The following ZDHHC7 variants were observed in gnomAD, a reference collection of about 807,000 sequenced individuals.
The protein encoded by ZDHHC7 is zDHHC palmitoyltransferase 7.
Under a neutral mutation model 34.1 loss-of-function variants are expected in ZDHHC7, and 12 were observed. The observed-to-expected ratio is 0.35, with a 90% CI of 0.23 to 0.57. ZDHHC7 has a LOEUF of 0.57. Among genes scored for constraint, ZDHHC7 ranks in the 20% least tolerant of loss-of-function variants. The pLI is 0.84. For synonymous variants in ZDHHC7, 185 were observed against 155.4 expected, an observed-to-expected ratio of 1.19 and a Z score of -1.42; for missense variants, 388 against 402.7, an observed-to-expected ratio of 0.96 and a Z score of 0.31.
At chr16:84,990,222 T>G (rs1281310821) in intron 3 of ZDHHC7, 82 bp downstream of exon 3, 3 of 1,495,438 alleles carry the variant, frequency 2.0e-6, no homozygotes, top group Non-Finnish European at 2.7e-6. Flanking sequence ...CCCTGTGCAC[T>G]GCTTCCTCCA....
At chr16:85,007,293 G>T (rs1167228439) in intron 1 of ZDHHC7, among the ~76,000 whole-genome samples, 2 of 151,484 alleles carry the variant, frequency 1.3e-5, no homozygotes, top group Non-Finnish European at 2.9e-5. Flanking sequence ...CATGATGGTG[G>T]GTGCCTGTAA....
intron 7 of ZDHHC7, 91 bp downstream of exon 7, chr16:84,977,004 G>A (rs2072306966): frequency 7.1e-6 from 11 of 1,552,318 alleles, no homozygotes; most frequent in Admixed American, 1.9e-5. Flanking sequence ...TCCCGAGTCA[G>A]TCCACAGGCA....
intron 3 of ZDHHC7, chr16:84,988,741 C>G: frequency 1.3e-6 from 2 of 1,548,938 alleles, no homozygotes; most frequent in Non-Finnish European, 1.7e-6. Flanking sequence ...GACCCTCCCC[C>G]ATGTGCCTAC....
intron 1 of ZDHHC7, among the ~76,000 whole-genome samples, chr16:85,008,336 G>A (rs933395533): frequency 3.3e-5 from 5 of 151,942 alleles, no homozygotes; most frequent in African/African-American, 9.7e-5. Flanking sequence ...AAAGACTCAG[G>A]TGAGCTTCCC....
chr16:85,010,689 TGA>T (rs984360333), intron 1 of ZDHHC7, among the ~76,000 whole-genome samples: 40 of 152,326 alleles, frequency 2.6e-4, no homozygotes, highest in African/African-American at 9.1e-4. Context: ...TCTATCTAAC[TGA>T]GTGTGACAAA....
rs1272521348 is a variant in ZDHHC7 at position 85,011,260 on chromosome 16, C to T, written c.-104+26G>A. 4 of 152,136 alleles carry T rather than the reference C, an allele frequency of 2.6e-5. No individual in the cohort carries two copies. In the South Asian group the frequency reaches 8.1e-4, roughly 31 times the overall value. 9.4% of individuals were successfully genotyped at this position (152,136 alleles called of 1,614,324 possible). On this transcript the variant is annotated intron_variant, in intron 1 of 7. Coordinates refer to ENST00000313732, the MANE Select transcript of ZDHHC7 (RefSeq NM_017740.3). ...CCGGGAGACCCGGGAGTGAGCAGCCCGCCCGGCCCAGCCCGCCGCACTCAC... is the reference window on the plus strand; with the variant it reads ...CCGGGAGACCCGGGAGTGAGCAGCCTGCCCGGCCCAGCCCGCCGCACTCAC...
At position 84,997,916 on chromosome 16, in the gene ZDHHC7, AAAT is replaced by A. The variant is rs1279669812; in HGVS notation, c.-103-1912_-103-1910del. The stretch of plus-strand genomic sequence containing the variant: ...CGTCTAAAAAAAAAAAAAAAAAAAA[AAAT>A]AGAAATGTCCCAGAGAGGAGAACTA... On this transcript the variant is annotated intron_variant, in intron 1 of 7. Coordinates refer to ENST00000313732, the MANE Select transcript of ZDHHC7 (RefSeq NM_017740.3). Among the ~76,000 whole-genome samples, 273 of 146,188 alleles carry A rather than the reference AAAT, an allele frequency of 1.9e-3. 1 individual carries two copies. Among genetic ancestry groups the A allele is most frequent in the African/African-American group, 6.3e-3 (255 of 40,408 alleles).
chr16:84,984,261 T>C (rs1273882306), intron 3 of ZDHHC7, among the ~76,000 whole-genome samples: 1 of 152,074 alleles, frequency 6.6e-6, no homozygotes, highest in Non-Finnish European at 1.5e-5. Context: ...CCTCAGGTGA[T>C]CCAACCGCCT....
intron 1 of ZDHHC7, among the ~76,000 whole-genome samples, chr16:84,998,404 C>T (rs1824444190): frequency 6.6e-6 from 1 of 152,176 alleles, no homozygotes; most frequent in African/African-American, 2.4e-5. Context: ...GCGCCGGCTG[C>T]CTGGCTCCTC....
At chr16:85,005,751 C>T (rs1034391504) in intron 1 of ZDHHC7, among the ~76,000 whole-genome samples, 13 of 152,230 alleles carry the variant, frequency 8.5e-5, no homozygotes, top group African/African-American at 2.2e-4. Flanking sequence ...CCCCTCCTCA[C>T]GCAGTGCTGC....
chr16:85,014,213 C>G (rs754452797), upstream of ZDHHC7, among the ~76,000 whole-genome samples: 9 of 152,158 alleles, frequency 5.9e-5, no homozygotes, highest in Non-Finnish European at 1.3e-4. Context: ...TTTATTCAAG[C>G]TCAAAGTTTC....
At chr16:84,982,268 T>G (rs1372110257) in intron 3 of ZDHHC7, among the ~76,000 whole-genome samples, 2 of 149,542 alleles carry the variant, frequency 1.3e-5, no homozygotes, top group African/African-American at 5.0e-5. Flanking sequence ...TCGCTTGAAC[T>G]CAGGAGGTAG....
chr16:85,026,630 G>C, the ZDHHC7 span, among the ~76,000 whole-genome samples: 38 of 151,106 alleles, frequency 2.5e-4, no homozygotes, highest in African/African-American at 9.2e-4. Context: ...GTGTGGGACA[G>C]GTACTTGATC....
chr16:85,026,851 G>C, the ZDHHC7 span, among the ~76,000 whole-genome samples: 1 of 151,962 alleles, frequency 6.6e-6, no homozygotes. Context: ...AATATCTTCA[G>C]AAAATTTGAG....
At chr16:85,014,656 C>T (rs2072826964), upstream of ZDHHC7, among the ~76,000 whole-genome samples, 1 of 152,112 alleles carries the variant, frequency 6.6e-6, no homozygotes, top group Admixed American at 6.5e-5. Flanking sequence ...TTAACTTACC[C>T]CTTGACAAAT....
At chr16:84,989,695 A>G (rs1195520293) in intron 3 of ZDHHC7, among the ~76,000 whole-genome samples, 1 of 23,186 alleles carries the variant, frequency 4.3e-5, no homozygotes, top group Non-Finnish European at 6.8e-5. Context: ...ACTCCGTCTC[A>G]AAAAAAAAAA....
At chr16:84,998,964 AG>A (rs1336641805) in intron 1 of ZDHHC7, among the ~76,000 whole-genome samples, 2 of 152,124 alleles carry the variant, frequency 1.3e-5, no homozygotes, top group African/African-American at 2.4e-5. Context: ...CATGTTAGCC[AG>A]GCTGGTCTCG....
rs533323499 is a variant in ZDHHC7 at position 85,008,915 on chromosome 16, C to A, written c.-104+2371G>T. Among the ~76,000 whole-genome samples, 12 of 151,736 alleles carry A rather than the reference C, an allele frequency of 7.9e-5. 1 individual carries two copies. The highest frequency in any genetic ancestry group is 1.3e-4 in the Non-Finnish European group (9 of 67,988). ...ACAAAATTAGCCAGCCACGGTGGCT[C>A]AGGCCTGTAATCCCAGCTACTCGGG... On this transcript the variant is annotated intron_variant, in intron 1 of 7. Coordinates refer to ENST00000313732, the MANE Select transcript of ZDHHC7 (RefSeq NM_017740.3).
At chr16:84,980,666 TC>T (rs576045752) in intron 4 of ZDHHC7, among the ~76,000 whole-genome samples, 1 of 151,812 alleles carries the variant, frequency 6.6e-6, no homozygotes, top group African/African-American at 2.4e-5. Flanking sequence ...CAAGACTCCA[TC>T]CCCCCATCCC....
Sources: gnomAD v4.1 joint callset for allele counts (sites outside exome capture counted in the v4.1 genomes callset) on GRCh38, gnomAD v4.1.1 for gene constraint, MANE v1.5 for transcripts, NCBI Gene and HGNC (gene_info 2026-07-23, HGNC 2026-07-21) for gene names.